Variants in NEDD4 observed in about 807,000 individuals in gnomAD.
NEDD4 encodes NEDD4 E3 ubiquitin protein ligase, also known as E3 ubiquitin-protein ligase NEDD4.
In NEDD4, 99 loss-of-function variants were observed where a neutral mutation model predicts 144.9. The observed-to-expected ratio is 0.68, with a 90% confidence interval of 0.58 to 0.81. The LOEUF (loss-of-function observed/expected upper bound fraction) is 0.81. Among genes scored for constraint, NEDD4 ranks in the 30% least tolerant of loss-of-function variants. The pLI is 0.00. For missense variants in NEDD4, 985 were observed against 1,065.9 expected (o/e 0.92, Z 1.06); for synonymous variants, 318 against 350.6 (o/e 0.91, Z 1.04).
intron 2 of NEDD4, among the ~76,000 whole-genome samples, chr15:55,955,475 T>A (rs978038286): frequency 3.9e-5 from 6 of 152,246 alleles, no homozygotes; most frequent in Middle Eastern, 6.8e-3. Context: ...TACTTACCCC[T>A]CACCCCTCAC....
intron 12 of NEDD4, among the ~76,000 whole-genome samples, chr15:55,853,845 G>C (rs1314078355): frequency 6.6e-6 from 1 of 152,118 alleles, no homozygotes; most frequent in East Asian, 1.9e-4. Flanking sequence ...AAAAAAATTA[G>C]CTAGGCATGG....
At chr15:55,888,316 T>C (rs779376560) in intron 5 of NEDD4, among the ~76,000 whole-genome samples, 33 of 152,296 alleles carry the variant, frequency 2.2e-4, no homozygotes, top group Middle Eastern at 3.4e-3. Context: ...CAAATATCAG[T>C]AGCATTTCTC....
At chr15:55,889,857 C>T (rs1425418295) in intron 5 of NEDD4, among the ~76,000 whole-genome samples, 2 of 152,030 alleles carry the variant, frequency 1.3e-5, no homozygotes, top group African/African-American at 2.4e-5. Flanking sequence ...TGTGCCACCA[C>T]GCCCAGCTAA....
Position 55,862,925 on chromosome 15 carries a change from C to G in NEDD4, c.662G>C (p.Arg221Thr), listed in dbSNP as rs200723498. ...CATCAGCACATACTGAGGGGTTGGT[C>G]TTTTCCACTGTGTTCTTCTAGATTC... is the stretch of plus-strand genomic sequence containing the variant. ...NHESRRTQWK[R>T]PTPQDNLTDA... The change falls in exon 9 of 29, where the codon AGA (arginine) becomes ACA (threonine). Residue 221 changes from arginine to threonine, a missense_variant. Coordinates refer to ENST00000435532, the MANE Select transcript of NEDD4 (RefSeq NM_006154.4). 1.2e-6 allele frequency: 2 copies of G among 1,602,874 alleles called. No homozygotes were observed. The highest frequency in any genetic ancestry group is 1.3e-5 in the African/African-American group (1 of 74,762).
chr15:55,863,112 G>T (rs370523436), intron 8 of NEDD4, 33 bp from the exon 9 acceptor site: 1 of 1,491,982 alleles, frequency 6.7e-7, no homozygotes, highest in East Asian at 2.4e-5. Context: ...TTAAGTTTAC[G>T]CATGATTTTT....
chr15:55,865,325 T>C lies in NEDD4; in HGVS notation c.508-2246A>G, dbSNP rs571136257. On this transcript the variant is annotated intron_variant, in intron 8 of 28. Transcript: ENST00000435532. ...TTGGAAAAAACTTCACTTGAATTCC[T>C]ACCTCATGCCTTATATCAGGATAAG... 1.1e-4 allele frequency among the ~76,000 whole-genome samples: 16 copies of C among 152,058 alleles called. No homozygotes were observed. In the East Asian group the frequency reaches 2.9e-3, roughly 28 times the overall value.
At chr15:55,961,966 A>G (rs1180985305) in intron 2 of NEDD4, among the ~76,000 whole-genome samples, 1 of 152,152 alleles carries the variant, frequency 6.6e-6, no homozygotes, top group East Asian at 1.9e-4. Flanking sequence ...TGTTTTATCA[A>G]CTGCTGAAAG....
At chr15:55,963,857 T>TA (rs1180734085) in intron 2 of NEDD4, among the ~76,000 whole-genome samples, 8 of 152,212 alleles carry the variant, frequency 5.3e-5, no homozygotes, top group Admixed American at 5.2e-4. Context: ...TGGAAAATGT[T>TA]ATTTTGTCAT....
chr15:55,956,444 A>T (rs1339221645), intron 2 of NEDD4, among the ~76,000 whole-genome samples: 1 of 152,150 alleles, frequency 6.6e-6, no homozygotes, highest in Non-Finnish European at 1.5e-5. Flanking sequence ...ATTTTAGCTC[A>T]TACTAATTTT....
At chr15:55,958,206 A>G (rs1007305509) in intron 2 of NEDD4, among the ~76,000 whole-genome samples, 1 of 152,154 alleles carries the variant, frequency 6.6e-6, no homozygotes, top group South Asian at 2.1e-4. Flanking sequence ...TTTGTATTTT[A>G]TGTTAGTTTG....
intron 2 of NEDD4, among the ~76,000 whole-genome samples, chr15:55,958,391 T>C (rs2142315570): frequency 6.6e-6 from 1 of 152,316 alleles, no homozygotes; most frequent in East Asian, 1.9e-4. Context: ...AGTGGTGATA[T>C]ATTGCTACAT....
At chr15:55,905,575 T>C (rs1239618025) in intron 5 of NEDD4, among the ~76,000 whole-genome samples, 5 of 151,906 alleles carry the variant, frequency 3.3e-5, no homozygotes, top group South Asian at 2.1e-4. Flanking sequence ...AGAAAGAAAA[T>C]AGACCAAACC....
chr15:55,860,851 A>G, intron 9 of NEDD4, 73 bp from the exon 10 acceptor site: 1 of 1,342,902 alleles, frequency 7.4e-7, no homozygotes, highest in Non-Finnish European at 1.0e-6. Context: ...TTCTGTGATC[A>G]TTGGGAAAAA....
In NEDD4 at chr15:55,828,848, G is replaced by A. The variant is rs1423001808; in HGVS notation, c.*1049C>T. The A allele has an allele frequency of 6.6e-6, 1 of 152,480 alleles. No individual in the cohort carries two copies. Among genetic ancestry groups the A allele is most frequent in the East Asian group, 1.9e-4 (1 of 5,194 alleles). 9.4% of individuals were successfully genotyped at this position (152,480 alleles called of 1,614,324 possible). ...AATTATGCATTATAACAACTCTTTG[G>A]TTATTTTAAACAAATTATTTGGTTT... On this transcript the variant is annotated 3_prime_UTR_variant, in exon 29 of 29. Coordinates refer to ENST00000435532, the MANE Select transcript of NEDD4 (RefSeq NM_006154.4).
intron 5 of NEDD4, among the ~76,000 whole-genome samples, chr15:55,910,535 A>G (rs55990153): frequency 0.14 from 21,726 of 151,820 alleles, 1,699 homozygotes; most frequent in East Asian, 0.35. Context: ...GTGGTCCCCA[A>G]AATTATAATT....
Position 55,924,616 on chromosome 15 carries a change from CATATTTCATATA to C in NEDD4, c.291+18_291+29del, listed in dbSNP as rs1424614600. 1 of 1,580,742 alleles carries C rather than the reference CATATTTCATATA, an allele frequency of 6.3e-7. No homozygotes were observed. Reference sequence around the variant, plus strand: ...GCTCCACTGAAATGTACCCTTACTTCATATTTCATATAAGCACAATATAACTTACCAATCGGT... The same window carrying C: ...GCTCCACTGAAATGTACCCTTACTTCAGCACAATATAACTTACCAATCGGT... On this transcript the variant is annotated intron_variant, in intron 5 of 28. Transcript: ENST00000435532.
At chr15:55,917,983 T>C (rs1044991537) in intron 5 of NEDD4, among the ~76,000 whole-genome samples, 2 of 152,158 alleles carry the variant, frequency 1.3e-5, no homozygotes, top group African/African-American at 4.8e-5. Flanking sequence ...TCAATGCCAA[T>C]TCTGTTCTGA....
chr15:55,961,552 C>A (rs1370078463), intron 2 of NEDD4, among the ~76,000 whole-genome samples: 1 of 152,034 alleles, frequency 6.6e-6, no homozygotes, highest in Non-Finnish European at 1.5e-5. Context: ...CTCACTGCAA[C>A]CTCCGCCTCC....
chr15:55,866,180 C>CT lies in NEDD4; in HGVS notation c.508-3102dup, dbSNP rs2034579173. 4.6e-5 allele frequency among the ~76,000 whole-genome samples: 7 copies of CT among 152,012 alleles called. No individual in the cohort carries two copies. The South Asian group carries it at 1.5e-3, about 32-fold the overall frequency. ...CCTCCTGCCTTGGTCTCCCAAAGTG[C>CT]TGGGATTACCAGCGTGAGCCACTGT... On this transcript the variant is annotated intron_variant, in intron 8 of 28. Transcript: ENST00000435532.
Sources: gnomAD v4.1 joint callset for allele counts (sites outside exome capture counted in the v4.1 genomes callset) on GRCh38, gnomAD v4.1.1 for gene constraint, MANE v1.5 for transcripts, NCBI Gene and HGNC (gene_info 2026-07-23, HGNC 2026-07-21) for gene names.